The following TEX15 variants were observed in gnomAD, a reference collection of about 807,000 sequenced individuals.
The protein encoded by TEX15 is testis-expressed protein 15.
A neutral mutation model predicts 237.3 loss-of-function variants in TEX15; 171 were observed. The observed-to-expected ratio is 0.72, with a 90% CI of 0.64 to 0.82. The LOEUF is 0.82. Among genes scored for constraint, TEX15 ranks in the 40% least tolerant of loss-of-function variants. The probability of loss-of-function intolerance (pLI) is 0.00; values close to 1 mark genes in which losing one functional copy is unlikely to be tolerated. For synonymous variants in TEX15, 1,338 were observed against 1,269.8 expected, an observed-to-expected ratio of 1.05 and a Z score of -1.14; for missense variants, 3,750 against 3,646.5, an observed-to-expected ratio of 1.03 and a Z score of -0.73.
chr8:30,842,377 T>TG lies in TEX15; in HGVS notation c.7789_7790insC (p.Asn2597ThrfsTer7). On this transcript the variant is annotated frameshift_variant, in exon 8 of 11. Transcript: ENST00000643185. LOFTEE classifies it high-confidence loss of function. ...ATCTTTCCTAGGGGCAGACATTACA[T>TG]TCTTCAGCAGTGTAGAAAATTGATT... is the stretch of plus-strand genomic sequence containing the variant. 6.2e-7 allele frequency: 1 copy of TG among 1,613,834 alleles called. No homozygotes were observed. The highest frequency in any genetic ancestry group is 1.7e-5 in the Admixed American group (1 of 59,994).
At chr8:30,888,741 A>G (rs1808719991) in intron 2 of TEX15, 2 of 1,009,696 alleles carry the variant, frequency 2.0e-6, no homozygotes, top group Non-Finnish European at 2.7e-6. Context: ...CAGAAAGATC[A>G]CAAAGGATAA....
intron 4 of TEX15, among the ~76,000 whole-genome samples, chr8:30,869,909 T>TA (rs1457077468): frequency 6.6e-6 from 1 of 151,776 alleles, no homozygotes; most frequent in Non-Finnish European, 1.5e-5. Flanking sequence ...GAATCTGTGC[T>TA]AAAATAATAT....
intron 3 of TEX15, chr8:30,886,910 T>G (rs1435906787): frequency 3.4e-6 from 1 of 291,384 alleles, no homozygotes; most frequent in African/African-American, 2.2e-5. Flanking sequence ...TTGGTTGGTC[T>G]TCTCTCCAGT....
chr8:30,837,698 T>C lies in TEX15; in HGVS notation c.8586A>G (p.Lys2862=). ...FSPDHGTLLQ[K]FLKNSPDPTQ... ...TGGGATCTGGGGAATTTTTAAGAAA[T>C]TTCTGCAAAAGCGTCCCATGGTCTG... Residue 2862 remains lysine (K), a synonymous_variant, in exon 10 of 11, where the codon AAA becomes AAG. Transcript: ENST00000643185. 1 of 1,613,906 alleles carries C rather than the reference T, an allele frequency of 6.2e-7. No individual in the cohort carries two copies. Among genetic ancestry groups the C allele is most frequent in the Non-Finnish European group, 8.5e-7 (1 of 1,179,944 alleles).
chr8:30,907,408 G>A (rs911258587), intron 1 of TEX15, among the ~76,000 whole-genome samples: 4 of 138,556 alleles, frequency 2.9e-5, no homozygotes, highest in Non-Finnish European at 4.6e-5. Flanking sequence ...TAGGACTACA[G>A]GCGCATGCCA....
In TEX15 at chr8:30,848,755, G is replaced by A. The variant is rs146070106; in HGVS notation, c.1412C>T (p.Ser471Leu). 4.2e-5 allele frequency: 68 copies of A among 1,613,962 alleles called. No homozygotes were observed. The highest frequency in any genetic ancestry group is 5.3e-5 in the Non-Finnish European group (62 of 1,180,014). Residue 471 changes from serine to leucine, a missense_variant, in exon 8 of 11, where the codon TCG becomes TTG. Transcript: ENST00000643185. ...SSDNVNSEIK[S>L]TPSNSASSSE... Reference sequence around the variant, plus strand: ...GGAGGAGGCAGAATTAGATGGTGTCGATTTTATTTCTGAATTAACATTATC... The same window carrying A: ...GGAGGAGGCAGAATTAGATGGTGTCAATTTTATTTCTGAATTAACATTATC...
At chr8:30,909,622 T>C (rs1416604993) in intron 1 of TEX15, among the ~76,000 whole-genome samples, 1 of 152,198 alleles carries the variant, frequency 6.6e-6, no homozygotes, top group East Asian at 1.9e-4. Context: ...CATGTGAGTT[T>C]ACCTCCCTTT....
At chr8:30,852,901 G>A (rs557990790) in intron 7 of TEX15, among the ~76,000 whole-genome samples, 211 of 152,168 alleles carry the variant, frequency 1.4e-3, no homozygotes, top group Non-Finnish European at 2.6e-3. Flanking sequence ...AAATGTGCCT[G>A]GTGTGACTGA....
At chr8:30,899,738 C>T (rs1239489919) in intron 1 of TEX15, among the ~76,000 whole-genome samples, 1 of 152,084 alleles carries the variant, frequency 6.6e-6, no homozygotes, top group Admixed American at 6.6e-5. Context: ...GCACCTGGCC[C>T]CAACTCCGTT....
chr8:30,910,832 G>T (rs777945412), intron 1 of TEX15, among the ~76,000 whole-genome samples: 2 of 152,002 alleles, frequency 1.3e-5, no homozygotes, highest in African/African-American at 2.4e-5. Flanking sequence ...TTATGATTAG[G>T]TAGGGTTCAG....
intron 3 of TEX15, among the ~76,000 whole-genome samples, chr8:30,883,518 C>A (rs1343564222): frequency 6.6e-6 from 1 of 152,124 alleles, no homozygotes; most frequent in African/African-American, 2.4e-5. Flanking sequence ...CCCCCACCCT[C>A]CAACAGACCC....
At chr8:30,863,579 T>C (rs961757908) in intron 5 of TEX15, among the ~76,000 whole-genome samples, 71 of 152,176 alleles carry the variant, frequency 4.7e-4, no homozygotes, top group African/African-American at 1.6e-3. Context: ...AAGCCCCTCC[T>C]TGCCTGGCTG....
intron 1 of TEX15, among the ~76,000 whole-genome samples, chr8:30,901,763 G>A (rs562367202): frequency 2.0e-5 from 3 of 152,174 alleles, no homozygotes; most frequent in Admixed American, 6.5e-5. Context: ...GTCTGAGGAA[G>A]TTTTCAAAGT....
At chr8:30,899,727 G>A (rs1281200957) in intron 1 of TEX15, among the ~76,000 whole-genome samples, 4 of 152,060 alleles carry the variant, frequency 2.6e-5, no homozygotes, top group African/African-American at 9.7e-5. Context: ...AGTAAGCCAT[G>A]GCACCTGGCC....
intron 7 of TEX15, among the ~76,000 whole-genome samples, chr8:30,851,523 C>T (rs948438159): frequency 1.1e-4 from 16 of 150,960 alleles, no homozygotes; most frequent in Admixed American, 6.0e-4. Flanking sequence ...CCCAGGTACT[C>T]GGGAGGCTGA....
rs747476375 is a variant in TEX15, at chr8:30,847,595, G to A, written c.2572C>T (p.Gln858Ter). 4 of 1,612,456 alleles carry A rather than the reference G, an allele frequency of 2.5e-6. No individual in the cohort carries two copies. The highest frequency in any genetic ancestry group is 1.3e-5 in the African/African-American group (1 of 74,776). The change falls in exon 8 of 11, where the codon CAA (glutamine) becomes TAA (stop). Residue 858 changes from glutamine to a stop codon, truncating the protein, a stop_gained. Transcript: ENST00000643185. LOFTEE classifies it high-confidence loss of function. ...DIWLNVNFKKQTDRENQNEAK... is the reference protein window; with the variant it reads ...DIWLNVNFKK ...TCATTTTGGTTTTCTCTATCTGTTT[G>A]TTTTTTGAAATTAACATTCAGCCAT...
chr8:30,895,560 T>A (rs1295071791), intron 2 of TEX15, among the ~76,000 whole-genome samples: 2 of 145,506 alleles, frequency 1.4e-5, no homozygotes, highest in Non-Finnish European at 3.0e-5. Flanking sequence ...TATTAGATCT[T>A]TTTTTTTTTT....
At chr8:30,851,572 C>CA (rs1807784985) in intron 7 of TEX15, among the ~76,000 whole-genome samples, 1 of 151,718 alleles carries the variant, frequency 6.6e-6, no homozygotes. Context: ...GCGGAGGTTG[C>CA]AGTGAGCTGA....
chr8:30,836,810 C>A lies in TEX15; in HGVS notation c.9474G>T (p.Trp3158Cys). 6.2e-7 allele frequency: 1 copy of A among 1,600,262 alleles called. No homozygotes were observed. The highest frequency in any genetic ancestry group is 8.5e-7 in the Non-Finnish European group (1 of 1,173,936). ...PNRFVPPEVP[W>C]VYAPWHQESF... is the part of the protein sequence containing the mutation. Reference sequence around the variant, plus strand: ...TTAAAATGTGAAACTCACCATAAACCCAAGGAACTTCTGGAGGCACAAATC... The same window carrying A: ...TTAAAATGTGAAACTCACCATAAACACAAGGAACTTCTGGAGGCACAAATC... Residue 3158 changes from tryptophan (W) to cysteine (C), a missense_variant, in exon 10 of 11, where the codon TGG (tryptophan) becomes TGT (cysteine). Trp to Cys is a radical substitution (Grantham distance 215, BLOSUM62 -2). Coordinates refer to ENST00000643185, the MANE Select transcript of TEX15 (RefSeq NM_001350162.2).
Sources: gnomAD v4.1 joint callset for allele counts (sites outside exome capture counted in the v4.1 genomes callset) on GRCh38, gnomAD v4.1.1 for gene constraint, MANE v1.5 for transcripts, NCBI Gene and HGNC (gene_info 2026-07-23, HGNC 2026-07-21) for gene names.